XXYLT1: variants seen among roughly 807,000 people sequenced by gnomAD.
XXYLT1 encodes xyloside xylosyltransferase 1.
In XXYLT1, 20 loss-of-function variants were observed where a neutral mutation model predicts 28.9. That is an observed-to-expected ratio of 0.69 (90% CI 0.49 to 1.00). The LOEUF (loss-of-function observed/expected upper bound fraction) is 1.00, where lower values mean the gene tolerates loss of function less well. Ranked by LOEUF, XXYLT1 falls within the 50% of genes least tolerant of loss-of-function variation. The pLI is 0.00. For synonymous variants in XXYLT1, 257 were observed against 253.8 expected, an observed-to-expected ratio of 1.01 and a Z score of -0.12; for missense variants, 542 against 560.1, an observed-to-expected ratio of 0.97 and a Z score of 0.33.
intron 3 of XXYLT1, chr3:195,152,473 C>G (rs1319614219): frequency 6.6e-6 from 1 of 152,528 alleles, no homozygotes; most frequent in Admixed American, 6.5e-5. Context: ...AGGCTCCTCT[C>G]TCCCTACACT....
In XXYLT1 at chr3:195,270,741, G is replaced by A; in HGVS notation, c.318C>T (p.Thr106=). 6.3e-7 allele frequency: 1 copy of A among 1,589,694 alleles called. No homozygotes were observed. The highest frequency in any genetic ancestry group is 8.5e-7 in the Non-Finnish European group (1 of 1,172,064). The change falls in exon 1 of 4, where the codon ACC becomes ACT. Residue 106 remains threonine, a synonymous_variant. Coordinates refer to ENST00000310380, the MANE Select transcript of XXYLT1 (RefSeq NM_152531.5). The part of the protein sequence containing the change: ...PVDYHLLMMF[T]KAEHNAALQA... ...GCAGCGCGGCATTGTGCTCCGCCTT[G>A]GTGAACATCATCAGCAGGTGGTAGT...
chr3:195,087,328 C>T (rs930051966), intron 3 of XXYLT1: 2 of 152,362 alleles, frequency 1.3e-5, no homozygotes, highest in African/African-American at 4.8e-5. Context: ...CTCCTCAGAT[C>T]CCTTGTGCTT....
intron 2 of XXYLT1, among the ~76,000 whole-genome samples, chr3:195,164,850 G>A (rs183629053): frequency 4.6e-4 from 70 of 152,034 alleles, no homozygotes; most frequent in Non-Finnish European, 7.4e-5. Context: ...ACACAAATTA[G>A]TTAGTGCTGA....
chr3:195,195,078 G>GT lies in XXYLT1; in HGVS notation c.652+31630dup, dbSNP rs142698967. ...ATAAACTGTACCTCAACAAAGCTGG[G>GT]TTTTTTTTTTAAAAGGACAATGTAC... is the stretch of plus-strand genomic sequence containing the variant. On this transcript the variant is annotated intron_variant, in intron 2 of 3. Transcript: ENST00000310380. The surrounding 1 kb of genome is among the most constrained non-coding windows in gnomAD (Gnocchi z 4.4). Among the ~76,000 whole-genome samples the GT allele has an allele frequency of 0.037, 5,391 of 146,156 alleles. 158 individuals are homozygous for GT. The highest frequency in any genetic ancestry group is 0.11 in the Middle Eastern group (31 of 290).
At chr3:195,105,025 C>T (rs1465209882) in intron 3 of XXYLT1, among the ~76,000 whole-genome samples, 4 of 152,190 alleles carry the variant, frequency 2.6e-5, no homozygotes, top group African/African-American at 9.7e-5. Flanking sequence ...TTTGAGGTGC[C>T]CTGGGGATAG....
chr3:195,139,359 G>C (rs1719364076), intron 3 of XXYLT1, among the ~76,000 whole-genome samples: 1 of 152,206 alleles, frequency 6.6e-6, no homozygotes, highest in Admixed American at 6.5e-5. Context: ...AAATGATGTG[G>C]AGGCAGGGAG....
At chr3:195,155,021 A>C (rs971636591) in intron 3 of XXYLT1, among the ~76,000 whole-genome samples, 1 of 152,076 alleles carries the variant, frequency 6.6e-6, no homozygotes, top group African/African-American at 2.4e-5. Flanking sequence ...GTCTGCCCAA[A>C]CCCTCTCAAG....
At chr3:195,120,406 A>G (rs1302803216) in intron 3 of XXYLT1, among the ~76,000 whole-genome samples, 1 of 152,020 alleles carries the variant, frequency 6.6e-6, no homozygotes, top group East Asian at 1.9e-4. Flanking sequence ...ACCATGTGTA[A>G]ACCATCTGTG....
intron 3 of XXYLT1, among the ~76,000 whole-genome samples, chr3:195,083,736 C>A (rs1015397627): frequency 7.9e-5 from 12 of 152,326 alleles, no homozygotes; most frequent in Middle Eastern, 6.8e-3. Context: ...CAGAGAGTTA[C>A]TGCGCCTGGC....
At chr3:195,223,429 G>T (rs1380540828) in intron 2 of XXYLT1, among the ~76,000 whole-genome samples, 2 of 152,084 alleles carry the variant, frequency 1.3e-5, no homozygotes, top group Admixed American at 6.6e-5. Context: ...GAGACCAAGG[G>T]TTCAGGCTCC....
chr3:195,162,950 C>T (rs1467510786), intron 2 of XXYLT1, among the ~76,000 whole-genome samples: 1 of 152,104 alleles, frequency 6.6e-6, no homozygotes, highest in African/African-American at 2.4e-5. Flanking sequence ...CCCTGCTGGC[C>T]TTTCCATAGT....
At chr3:195,163,744 G>A (rs1720983139) in intron 2 of XXYLT1, among the ~76,000 whole-genome samples, 1 of 152,198 alleles carries the variant, frequency 6.6e-6, no homozygotes, top group Non-Finnish European at 1.5e-5. Flanking sequence ...GGGCATGGCT[G>A]CTCCATGAAG....
chr3:195,247,222 G>A (rs925432334), intron 1 of XXYLT1, among the ~76,000 whole-genome samples: 9 of 152,114 alleles, frequency 5.9e-5, no homozygotes, highest in East Asian at 1.9e-4. Context: ...AGAAGAGGGC[G>A]AACGGCCGTT....
chr3:195,175,562 C>A (rs2108726167), intron 2 of XXYLT1: 1 of 1,533,760 alleles, frequency 6.5e-7, no homozygotes, highest in East Asian at 2.4e-5. Flanking sequence ...GTAGTTAGGA[C>A]ACAGGTCTGG....
intron 3 of XXYLT1, among the ~76,000 whole-genome samples, chr3:195,106,193 A>G (rs1211766577): frequency 1.3e-5 from 2 of 152,180 alleles, no homozygotes; most frequent in South Asian, 4.1e-4. Flanking sequence ...GAAGCTCAAT[A>G]CACTGCCATT....
At chr3:195,128,349 C>T (rs1718740535) in intron 3 of XXYLT1, among the ~76,000 whole-genome samples, 1 of 152,162 alleles carries the variant, frequency 6.6e-6, no homozygotes, top group African/African-American at 2.4e-5. Flanking sequence ...TCCTCCTTTC[C>T]AGCTGCCCCC....
rs753682313 is a variant in XXYLT1, at chr3:195,069,782, T to C, written c.1115A>G (p.Tyr372Cys). 21 of 1,613,928 alleles carry C rather than the reference T, an allele frequency of 1.3e-5. No homozygotes were observed. The highest frequency in any genetic ancestry group is 3.3e-5 in the Admixed American group (2 of 60,010). ...DHGYSDVFEA[Y>C]FRCEGHVKIY... ...CTTGACGTGGCCCTCACACCTGAAA[T>C]AGGCCTCGAAGACGTCACTGTAGCC... The change falls in exon 4 of 4, where the codon TAT (tyrosine) becomes TGT (cysteine). Residue 372 changes from tyrosine to cysteine, a missense_variant. Transcript: ENST00000310380.
intron 3 of XXYLT1, among the ~76,000 whole-genome samples, chr3:195,075,402 C>T (rs1040964667): frequency 6.6e-6 from 1 of 152,216 alleles, no homozygotes; most frequent in Non-Finnish European, 1.5e-5. Context: ...AGCTGAGGCT[C>T]AAAAACTGGC....
At chr3:195,234,979 A>G (rs1313954103) in intron 1 of XXYLT1, among the ~76,000 whole-genome samples, 1 of 149,920 alleles carries the variant, frequency 6.7e-6, no homozygotes, top group African/African-American at 2.5e-5. Flanking sequence ...CTCCTCTTTA[A>G]AGCCAGTAAC....
Sources: gnomAD v4.1 joint callset for allele counts (sites outside exome capture counted in the v4.1 genomes callset) on GRCh38, gnomAD v4.1.1 for gene constraint, Gnocchi (gnomAD v3.1) non-coding constraint, MANE v1.5 for transcripts, NCBI Gene and HGNC (gene_info 2026-07-23, HGNC 2026-07-21) for gene names.